KIR3DL3: variants seen among roughly 807,000 people sequenced by gnomAD.
KIR3DL3 encodes the protein killer cell immunoglobulin like receptor, three Ig domains and long cytoplasmic tail 3, also known as killer cell immunoglobulin-like receptor 3DL3.
Under a neutral mutation model 34.9 loss-of-function variants are expected in KIR3DL3, and 27 were observed. That is an observed-to-expected ratio of 0.77 (90% CI 0.57 to 1.07). The LOEUF is 1.07. KIR3DL3 is among the 50% of genes least tolerant of loss of function. The pLI is 0.00. For synonymous variants in KIR3DL3, 217 were observed against 200.2 expected, an observed-to-expected ratio of 1.08 and a Z score of -0.71; for missense variants, 681 against 528.5, an observed-to-expected ratio of 1.29 and a Z score of -2.83.
chr19:54,727,566 A>T, intron 3 of KIR3DL3, 45 bp from the exon 4 acceptor site: 1 of 1,572,852 alleles, frequency 6.4e-7, no homozygotes, highest in Non-Finnish European at 8.6e-7. Flanking sequence ...CATGAATGGG[A>T]TGAGAAAGGG....
At chr19:54,727,960 T>A in intron 4 of KIR3DL3, 50 bp downstream of exon 4, 1 of 1,549,880 alleles carries the variant, frequency 6.5e-7, no homozygotes, top group Non-Finnish European at 8.8e-7. Context: ...ATGGAGTGAA[T>A]GATCTAGGAC....
At chr19:54,734,602 C>T (rs1315539068) in intron 5 of KIR3DL3, among the ~76,000 whole-genome samples, 1 of 149,460 alleles carries the variant, frequency 6.7e-6, no homozygotes. Flanking sequence ...CTGGGATGTT[C>T]CTCCTGATCT....
intron 2 of KIR3DL3, among the ~76,000 whole-genome samples, chr19:54,725,541 G>A (rs1443504718): frequency 6.6e-6 from 1 of 152,152 alleles, no homozygotes; most frequent in African/African-American, 2.4e-5. Flanking sequence ...TGGTGTGCAG[G>A]GAGGAAGTGG....
Position 54,736,110 on chromosome 19 carries a change from A to G in KIR3DL3, c.*14A>G. On this transcript the variant is annotated 3_prime_UTR_variant, in exon 8 of 8. Coordinates refer to ENST00000291860, the MANE Select transcript of KIR3DL3 (RefSeq NM_153443.5). ...ACCAGCGTGTAACACGGAACTTCCA[A>G]ATGCTGAGCGCAGATCCAAAGTTGT... 3.1e-6 allele frequency: 5 copies of G among 1,611,924 alleles called. No individual in the cohort carries two copies. The highest frequency in any genetic ancestry group is 3.4e-6 in the Non-Finnish European group (4 of 1,179,606).
At chr19:54,729,812 T>C in intron 5 of KIR3DL3, 26 bp downstream of exon 5, 15 of 1,584,444 alleles carry the variant, frequency 9.5e-6, no homozygotes, top group South Asian at 1.1e-5. Flanking sequence ...GCCTGTCCCA[T>C]GTCTTGTGAT....
At chr19:54,734,322 A>G (rs2069185192) in intron 5 of KIR3DL3, among the ~76,000 whole-genome samples, 1 of 151,396 alleles carries the variant, frequency 6.6e-6, no homozygotes, top group Non-Finnish European at 1.5e-5. Flanking sequence ...AGGGAGACAG[A>G]ACACACAGAG....
rs983268141 is a variant in KIR3DL3, at chr19:54,727,505, G to A, written c.356-106G>A. 11 of 977,118 alleles carry A rather than the reference G, an allele frequency of 1.1e-5. No homozygotes were observed. The African/African-American group carries it at 1.6e-4, about 15-fold the overall frequency. 60.5% of individuals were successfully genotyped at this position (977,118 alleles called of 1,614,324 possible). Reference sequence around the variant, plus strand: ...CAAAAGAACACGGAGACACAGACAGGAAGGAGAGAGATAGACACCATGGAG... The same window carrying A: ...CAAAAGAACACGGAGACACAGACAGAAAGGAGAGAGATAGACACCATGGAG... On this transcript the variant is annotated intron_variant, in intron 3 of 7. Transcript: ENST00000291860.
chr19:54,733,675 C>T (rs867875476), intron 5 of KIR3DL3, among the ~76,000 whole-genome samples: 1 of 152,222 alleles, frequency 6.6e-6, no homozygotes, highest in African/African-American at 2.4e-5. Context: ...CCTTATTTGG[C>T]TTTCTGTGAG....
At position 54,731,749 on chromosome 19, in the gene KIR3DL3, C is replaced by A. The variant is rs1434902337; in HGVS notation, c.949+1963C>A. ...ACGTTCCTGGGCCCCTGGTCCCCTT[C>A]CTCCTTCCTCCTTCCTCAAAGCCCA... is the stretch of plus-strand genomic sequence containing the variant. On this transcript the variant is annotated intron_variant, in intron 5 of 7. Coordinates refer to ENST00000291860, the MANE Select transcript of KIR3DL3 (RefSeq NM_153443.5). 5.3e-5 allele frequency among the ~76,000 whole-genome samples: 8 copies of A among 152,062 alleles called. No individual in the cohort carries two copies. In the South Asian group the frequency reaches 1.5e-3, roughly 28 times the overall value.
At chr19:54,733,092 C>T (rs1458875403) in intron 5 of KIR3DL3, among the ~76,000 whole-genome samples, 1 of 152,196 alleles carries the variant, frequency 6.6e-6, no homozygotes. Flanking sequence ...GCAGGGAGGG[C>T]TTGCTGGGTT....
intron 5 of KIR3DL3, among the ~76,000 whole-genome samples, chr19:54,733,515 T>A (rs892332135): frequency 2.3e-4 from 35 of 151,868 alleles, no homozygotes; most frequent in African/African-American, 7.7e-4. Flanking sequence ...ACAGGGGGAC[T>A]CTGTCTCAAA....
intron 6 of KIR3DL3, among the ~76,000 whole-genome samples, chr19:54,735,558 C>G (rs2069440479): frequency 7.5e-6 from 1 of 132,950 alleles, no homozygotes; most frequent in Non-Finnish European, 1.6e-5. Flanking sequence ...TGAACCGTAT[C>G]CTCACATCCC....
At chr19:54,731,364 T>A (rs2068769418) in intron 5 of KIR3DL3, among the ~76,000 whole-genome samples, 1 of 151,286 alleles carries the variant, frequency 6.6e-6, no homozygotes, top group East Asian at 1.9e-4. Flanking sequence ...TGTACTAATT[T>A]ACATTCGTAT....
Position 54,727,644 on chromosome 19 carries a change from C to G in KIR3DL3, c.389C>G (p.Pro130Arg). The G allele has an allele frequency of 3.7e-6, 6 of 1,612,030 alleles. No homozygotes were observed. Among genetic ancestry groups the G allele is most frequent in the Non-Finnish European group, 5.1e-6 (6 of 1,179,528 alleles). Residue 130 changes from proline to arginine, a missense_variant, in exon 4 of 8, where the codon CCA becomes CGA. Coordinates refer to ENST00000291860, the MANE Select transcript of KIR3DL3 (RefSeq NM_153443.5). ...VHRKPSLLAHPGPLVKSGETV... is the reference protein window; with the variant it reads ...VHRKPSLLAHRGPLVKSGETV... ...AGAAAACCTTCCCTCCTGGCCCACC[C>G]AGGTCCCCTGGTGAAATCAGGAGAG...
chr19:54,727,314 T>G (rs1213918082), intron 3 of KIR3DL3, among the ~76,000 whole-genome samples: 1 of 122,770 alleles, frequency 8.1e-6, no homozygotes. Flanking sequence ...ATGGTTCCTC[T>G]TCCACCCCCA....
intron 3 of KIR3DL3, among the ~76,000 whole-genome samples, chr19:54,727,119 G>A (rs2068268367): frequency 7.3e-6 from 1 of 136,342 alleles, no homozygotes; most frequent in Non-Finnish European, 1.6e-5. Flanking sequence ...CAGCACCAGG[G>A]GCCACCCTAT....
chr19:54,735,914 CA>C (rs1390997757), intron 7 of KIR3DL3, 42 bp downstream of exon 7: 14 of 1,605,630 alleles, frequency 8.7e-6, no homozygotes, highest in Non-Finnish European at 1.1e-5. Flanking sequence ...GTCTTATTCC[CA>C]AAGAGTCCTG....
chr19:54,736,143 C>G lies in KIR3DL3; in HGVS notation c.*47C>G, dbSNP rs1478670258. 2 of 1,604,150 alleles carry G rather than the reference C, an allele frequency of 1.2e-6. No homozygotes were observed. Among genetic ancestry groups the G allele is most frequent in the African/African-American group, 1.4e-5 (1 of 72,350 alleles). On this transcript the variant is annotated 3_prime_UTR_variant, in exon 8 of 8. Coordinates refer to ENST00000291860, the MANE Select transcript of KIR3DL3 (RefSeq NM_153443.5). ...GCGCAGATCCAAAGTTGTCTTCTGT[C>G]CACTAGCACCACAGTCAGGCCTTGA...
chr19:54,735,442 A>G (rs62132700), intron 6 of KIR3DL3, 85 bp downstream of exon 6: 429,256 of 628,424 alleles, frequency 0.68, 156,142 homozygotes, highest in African/African-American at 0.93. Flanking sequence ...TTCCTCACAG[A>G]CTGGATGGTC....
Sources: gnomAD v4.1 joint callset for allele counts (sites outside exome capture counted in the v4.1 genomes callset) on GRCh38, gnomAD v4.1.1 for gene constraint, MANE v1.5 for transcripts, NCBI Gene and HGNC (gene_info 2026-07-23, HGNC 2026-07-21) for gene names.